ZC4H2: variants seen among roughly 807,000 people sequenced by gnomAD.
ZC4H2 encodes the protein zinc finger C4H2 domain-containing protein.
For synonymous variants in ZC4H2, 84 were observed against 66.3 expected (o/e 1.27, Z -1.30); for missense variants, 137 against 173.9 (o/e 0.79, Z 1.19).
chrX:64,994,508 C>G (rs1932373306), intron 1 of ZC4H2, among the ~76,000 whole-genome samples: 1 of 112,263 alleles, frequency 8.9e-6, no homozygotes. Flanking sequence ...TTACATTATT[C>G]GTTTCAGGAA....
intron 1 of ZC4H2, among the ~76,000 whole-genome samples, chrX:64,947,734 T>G (rs1285905565): frequency 2.7e-5 from 3 of 112,062 alleles, no homozygotes; most frequent in African/African-American, 9.7e-5. Context: ...GAAACCATAC[T>G]TCAACCACTG....
At chrX:64,956,799 A>G (rs773652816) in intron 1 of ZC4H2, among the ~76,000 whole-genome samples, 3 of 112,175 alleles carry the variant, frequency 2.7e-5, no homozygotes, top group Non-Finnish European at 3.8e-5. Flanking sequence ...TTTCTCCTGC[A>G]AACAGGATGT....
At chrX:64,995,333 C>T (rs1189539101) in intron 1 of ZC4H2, among the ~76,000 whole-genome samples, 2 of 111,458 alleles carry the variant, frequency 1.8e-5, no homozygotes, top group African/African-American at 3.3e-5. Flanking sequence ...TTTTACTTGT[C>T]TTTGCCCCAC....
Position 64,921,913 on chromosome X carries a change from C to T in ZC4H2, c.129G>A (p.Arg43=), listed in dbSNP as rs763567356. 6 of 1,208,452 alleles carry T rather than the reference C, an allele frequency of 5.0e-6. No homozygotes were observed. In the African/African-American group the frequency reaches 7.1e-5, roughly 14 times the overall value. The change falls in exon 2 of 5, where the codon AGG becomes AGA. Residue 43 remains arginine, a synonymous_variant. Coordinates refer to ENST00000374839, the MANE Select transcript of ZC4H2 (RefSeq NM_018684.4). Reference sequence around the variant, plus strand: ...TCTCCTGCTTGTATTCCTTCAGGTGCCTTTCCTCTGACTCAAGTGCCTCAA... The same window carrying T: ...TCTCCTGCTTGTATTCCTTCAGGTGTCTTTCCTCTGACTCAAGTGCCTCAA... ...AEFEALESEE[R]HLKEYKQEMD...
intron 1 of ZC4H2, among the ~76,000 whole-genome samples, chrX:64,974,156 A>AT (rs1931867527): frequency 9.0e-6 from 1 of 111,637 alleles, no homozygotes; most frequent in African/African-American, 3.3e-5. Flanking sequence ...TTTGTAAGCT[A>AT]TTTTTTCCCT....
chrX:64,981,693 T>C (rs1932085679), intron 1 of ZC4H2, among the ~76,000 whole-genome samples: 1 of 110,807 alleles, frequency 9.0e-6, no homozygotes, highest in African/African-American at 3.3e-5. Context: ...TTGACCTCCC[T>C]AGGTTAGGGA....
intron 1 of ZC4H2, among the ~76,000 whole-genome samples, chrX:64,998,695 G>T (rs1932466053): frequency 9.0e-6 from 1 of 111,436 alleles, no homozygotes; most frequent in Non-Finnish European, 1.9e-5. Context: ...CAATTATTGA[G>T]AGTGGGATAT....
chrX:64,917,670 T>C lies in ZC4H2; in HGVS notation c.*113A>G. On this transcript the variant is annotated 3_prime_UTR_variant, in exon 5 of 5. Coordinates refer to ENST00000374839, the MANE Select transcript of ZC4H2 (RefSeq NM_018684.4). ...AGAGAGGGGTTGTGCTTCCATCACA[T>C]TAAATAGGAGACTTCGTGGGGTTGG... is the stretch of plus-strand genomic sequence containing the variant. 1 of 1,054,214 alleles carries C rather than the reference T, an allele frequency of 9.5e-7. No individual in the cohort carries two copies. The highest frequency in any genetic ancestry group is 1.3e-6 in the Non-Finnish European group (1 of 788,270). The allele number at this position is 1,054,214 out of a possible 1,213,427, so 86.9% of individuals were successfully genotyped here. A position where few individuals can be genotyped will look rare whatever the true frequency, so the allele number is the denominator to read the frequency against.
intron 3 of ZC4H2, chrX:64,919,443 C>G (rs1402112138): frequency 1.4e-5 from 5 of 362,325 alleles, no homozygotes; most frequent in Non-Finnish European, 2.4e-5. Context: ...TTAGGGCTAG[C>G]AAGATCCTTA....
chrX:64,922,097 C>T, intron 1 of ZC4H2, 109 bp from the exon 2 acceptor site: 7 of 1,112,855 alleles, frequency 6.3e-6, no homozygotes, highest in Non-Finnish European at 7.1e-6. Context: ...CCTCTCCAGG[C>T]AGAGCCAACC....
chrX:64,946,638 T>A (rs1422657359), intron 1 of ZC4H2, among the ~76,000 whole-genome samples: 1 of 110,622 alleles, frequency 9.0e-6, no homozygotes, highest in East Asian at 2.8e-4. Context: ...TAAATTTCAC[T>A]GGGGATAAAC....
chrX:65,013,172 T>C (rs1325233913), intron 1 of ZC4H2, among the ~76,000 whole-genome samples: 1 of 111,887 alleles, frequency 8.9e-6, no homozygotes, highest in African/African-American at 3.3e-5. Flanking sequence ...TGATATAGTC[T>C]CTGTGTGGTC....
intron 1 of ZC4H2, among the ~76,000 whole-genome samples, chrX:65,019,349 A>G (rs1932819302): frequency 2.7e-5 from 3 of 112,235 alleles, no homozygotes; most frequent in Admixed American, 1.9e-4. Flanking sequence ...ACAGGCAGCA[A>G]TCTTTGCTAT....
At chrX:65,028,948 G>T (rs1038648862) in intron 1 of ZC4H2, among the ~76,000 whole-genome samples, 131 of 111,413 alleles carry the variant, frequency 1.2e-3, no homozygotes, top group African/African-American at 4.1e-3. Context: ...AAGTCAGGAT[G>T]TTGAGTGGAC....
chrX:64,941,034 G>A (rs1392953345), intron 1 of ZC4H2, among the ~76,000 whole-genome samples: 4 of 111,991 alleles, frequency 3.6e-5, no homozygotes, highest in Middle Eastern at 4.2e-3. Flanking sequence ...CCATGAGCAT[G>A]GAATGTTTTT....
intron 1 of ZC4H2, among the ~76,000 whole-genome samples, chrX:65,002,133 A>T (rs1457699728): frequency 1.8e-5 from 2 of 112,065 alleles, no homozygotes; most frequent in Admixed American, 9.4e-5. Context: ...ATTCAACAGA[A>T]TATACATTCT....
intron 1 of ZC4H2, among the ~76,000 whole-genome samples, chrX:64,935,117 G>T (rs752288544): frequency 9.0e-6 from 1 of 111,484 alleles, no homozygotes; most frequent in African/African-American, 3.3e-5. Context: ...GTCTGATACC[G>T]ACTGGGACAC....
At chrX:65,034,735 C>G (rs890388801), upstream of ZC4H2, 6 of 113,275 alleles carry the variant, frequency 5.3e-5, no homozygotes, top group Admixed American at 2.8e-4. Flanking sequence ...TGGCAGCAGT[C>G]GCCGACAGGG....
chrX:65,024,112 G>T (rs926098012), intron 1 of ZC4H2, among the ~76,000 whole-genome samples: 2 of 109,977 alleles, frequency 1.8e-5, no homozygotes, highest in Non-Finnish European at 3.8e-5. Flanking sequence ...ATCGGCGGGT[G>T]GGGGGGCACT....
Sources: allele counts gnomAD v4.1 joint callset (sites outside exome capture counted in the v4.1 genomes callset), GRCh38; gene constraint gnomAD v4.1.1; transcripts MANE v1.5; gene names NCBI Gene and HGNC (gene_info 2026-07-23, HGNC 2026-07-21).